The following ENOX1 variants were observed in gnomAD, a reference collection of about 807,000 sequenced individuals.
ENOX1 encodes ecto-NOX disulfide-thiol exchanger 1, also known as candidate growth-related and time keeping constitutive hydroquinone (NADH) oxidase.
A neutral mutation model predicts 82.5 loss-of-function variants in ENOX1; 42 were observed. That is an observed-to-expected ratio of 0.51 (90% confidence interval 0.40 to 0.66). The LOEUF (loss-of-function observed/expected upper bound fraction) is 0.66. Among genes scored for constraint, ENOX1 ranks in the 30% least tolerant of loss-of-function variants. ENOX1 has a pLI of 0.00. For missense variants in ENOX1, 608 were observed against 811.6 expected (o/e 0.75, Z 3.05); for synonymous variants, 271 against 282.2 (o/e 0.96, Z 0.40).
chr13:43,533,858 T>A (rs1194137253), intron 2 of ENOX1, among the ~76,000 whole-genome samples: 1 of 152,176 alleles, frequency 6.6e-6, no homozygotes, highest in Non-Finnish European at 1.5e-5. Flanking sequence ...ATTTTCATTG[T>A]TATGGAGGCG....
chr13:43,371,013 C>T (rs999090781), intron 5 of ENOX1, among the ~76,000 whole-genome samples: 1 of 152,136 alleles, frequency 6.6e-6, no homozygotes, highest in African/African-American at 2.4e-5. Context: ...TGAGAACAGG[C>T]CCTAATTGGG....
intron 2 of ENOX1, among the ~76,000 whole-genome samples, chr13:43,575,460 C>A (rs79077881): frequency 1.2e-3 from 183 of 152,276 alleles, no homozygotes; most frequent in African/African-American, 4.3e-3. Flanking sequence ...GGAAATACAT[C>A]AACTACACTC....
intron 2 of ENOX1, among the ~76,000 whole-genome samples, chr13:43,537,220 A>G (rs1359610492): frequency 6.6e-6 from 1 of 152,224 alleles, no homozygotes; most frequent in Non-Finnish European, 1.5e-5. Flanking sequence ...CTCATTACTG[A>G]GCTACACATA....
intron 3 of ENOX1, among the ~76,000 whole-genome samples, chr13:43,447,470 G>C (rs555659910): frequency 1.3e-5 from 2 of 152,148 alleles, no homozygotes; most frequent in African/African-American, 4.8e-5. Flanking sequence ...GATGGACAGG[G>C]ACCACAATAG....
rs1363346976 is a variant in ENOX1, at chr13:43,298,549, G to A, written c.1262-19C>T. On this transcript the variant is annotated intron_variant, in intron 11 of 16. Coordinates refer to ENST00000690772, the MANE Select transcript of ENOX1 (RefSeq NM_001347969.2). ...GCCAGGGCTGAGGGACAAACAGAAC[G>A]AGTTCAGGTGAGCTACCTTCTTGCT... 10 of 1,587,872 alleles carry A rather than the reference G, an allele frequency of 6.3e-6. No individual in the cohort carries two copies. The African/African-American group carries it at 6.8e-5, about 11-fold the overall frequency.
At chr13:43,639,939 G>A (rs775649067) in intron 2 of ENOX1, among the ~76,000 whole-genome samples, 15 of 152,106 alleles carry the variant, frequency 9.9e-5, no homozygotes, top group Non-Finnish European at 1.9e-4. Context: ...TGAGGCATGA[G>A]AATCACTTGA....
intron 2 of ENOX1, among the ~76,000 whole-genome samples, chr13:43,640,078 T>C (rs187844409): frequency 1.3e-5 from 2 of 152,310 alleles, no homozygotes; most frequent in Admixed American, 6.5e-5. Context: ...TATTATTATA[T>C]AAGAAATACA....
chr13:43,378,140 T>A (rs918897292), intron 5 of ENOX1, among the ~76,000 whole-genome samples: 1 of 152,194 alleles, frequency 6.6e-6, no homozygotes, highest in Admixed American at 6.5e-5. Flanking sequence ...GGTTTTCAGA[T>A]ACTGGGCATG....
rs371666980 is a variant in ENOX1 at position 43,236,698 on chromosome 13, C to T, written c.1652G>A (p.Arg551Gln). 62 of 1,589,116 alleles carry T rather than the reference C, an allele frequency of 3.9e-5. No homozygotes were observed. The Middle Eastern group carries it at 5.0e-4, about 13-fold the overall frequency. ...GCTTCTTTTCTCAATATTGTTCTCT[C>T]GGTCTTGGTTGACTAATGCAACTGT... ...VLTVALVNQDRENNIEKRSQG... is the reference protein window; with the variant it reads ...VLTVALVNQDQENNIEKRSQG... Residue 551 changes from arginine to glutamine, a missense_variant, in exon 15 of 17, where the codon CGA becomes CAA. Transcript: ENST00000690772.
intron 5 of ENOX1, 31 bp from the exon 6 acceptor site, chr13:43,361,483 G>C (rs768315703): frequency 5.1e-6 from 8 of 1,570,440 alleles, no homozygotes; most frequent in Non-Finnish European, 6.9e-6. Context: ...CATTTTGACT[G>C]GAGATTAAAT....
intron 16 of ENOX1, among the ~76,000 whole-genome samples, chr13:43,221,950 C>T (rs1240770481): frequency 6.6e-6 from 1 of 152,122 alleles, no homozygotes; most frequent in Admixed American, 6.5e-5. Context: ...GTGGTCTGAT[C>T]CCTGGTGCCC....
At chr13:43,631,386 T>C (rs1347456702) in intron 2 of ENOX1, among the ~76,000 whole-genome samples, 2 of 152,118 alleles carry the variant, frequency 1.3e-5, no homozygotes, top group African/African-American at 2.4e-5. Context: ...ACTGTTGAGG[T>C]TCTCTTTAGA....
intron 3 of ENOX1, among the ~76,000 whole-genome samples, chr13:43,461,603 G>A (rs9590763): frequency 0.2 from 29,945 of 152,176 alleles, 3,571 homozygotes; most frequent in Middle Eastern, 0.29. Context: ...CAAGGAGGAC[G>A]TGGTCATGGC....
rs973807177 is a variant in ENOX1, at chr13:43,591,968, C to T, written c.-219+75511G>A. Among the ~76,000 whole-genome samples the T allele has an allele frequency of 7.2e-5, 11 of 152,166 alleles. 1 individual carries two copies. The highest frequency in any genetic ancestry group is 1.5e-5 in the Non-Finnish European group (1 of 68,028). The stretch of plus-strand genomic sequence containing the variant: ...ACACCTTCTCACAGCAGCCCACACA[C>T]GACTCAGCTCCACAATGGGGGTGAC... On this transcript the variant is annotated intron_variant, in intron 2 of 16. Coordinates refer to ENST00000690772, the MANE Select transcript of ENOX1 (RefSeq NM_001347969.2).
chr13:43,555,946 G>A (rs944741578), intron 2 of ENOX1, among the ~76,000 whole-genome samples: 2 of 152,158 alleles, frequency 1.3e-5, no homozygotes, highest in South Asian at 2.1e-4. Flanking sequence ...GTAGAGGAAG[G>A]TTTGGCCATT....
intron 3 of ENOX1, among the ~76,000 whole-genome samples, chr13:43,415,693 C>T (rs1206313184): frequency 6.6e-6 from 1 of 152,084 alleles, no homozygotes; most frequent in African/African-American, 2.4e-5. Flanking sequence ...CTTTTCCTCA[C>T]ATTTCCCCCT....
At chr13:43,226,684 A>G (rs2042038888) in intron 15 of ENOX1, among the ~76,000 whole-genome samples, 1 of 152,082 alleles carries the variant, frequency 6.6e-6, no homozygotes, top group African/African-American at 2.4e-5. Context: ...CAGGAGAAGG[A>G]CAGGGGAGGG....
intron 2 of ENOX1, among the ~76,000 whole-genome samples, chr13:43,615,945 AG>A (rs2082390769): frequency 6.6e-6 from 1 of 151,374 alleles, no homozygotes; most frequent in Admixed American, 6.6e-5. Context: ...GTGGCTGCAT[AG>A]TATTCCAGGG....
At chr13:43,389,784 C>T (rs2153580948) in intron 5 of ENOX1, among the ~76,000 whole-genome samples, 1 of 152,280 alleles carries the variant, frequency 6.6e-6, no homozygotes, top group South Asian at 2.1e-4. Flanking sequence ...TAAATACAGT[C>T]ATCTTGTTTA....
Sources: gnomAD v4.1 joint callset for allele counts (sites outside exome capture counted in the v4.1 genomes callset) on GRCh38, gnomAD v4.1.1 for gene constraint, MANE v1.5 for transcripts, NCBI Gene and HGNC (gene_info 2026-07-23, HGNC 2026-07-21) for gene names.